NBEAL2: variants seen among roughly 807,000 people sequenced by gnomAD.
NBEAL2 encodes neurobeachin like 2, also known as neurobeachin-like protein 2.
Under a neutral mutation model 299.8 loss-of-function variants are expected in NBEAL2, and 160 were observed. The ratio of observed to expected loss-of-function variants is 0.53; its 90% CI spans 0.47 to 0.61. The LOEUF (loss-of-function observed/expected upper bound fraction) is 0.61, where lower values mean the gene tolerates loss of function less well. Ranked by LOEUF, NBEAL2 falls within the 20% of genes least tolerant of loss-of-function variation. The pLI is 0.00. For missense variants in NBEAL2, 3,112 were observed against 3,649.0 expected, an observed-to-expected ratio of 0.85 and a Z score of 3.79; for synonymous variants, 1,493 against 1,542.3, an observed-to-expected ratio of 0.97 and a Z score of 0.75.
intron 47 of NBEAL2, 81 bp downstream of exon 47, chr3:47,007,431 C>T (rs947542755): frequency 6.4e-7 from 1 of 1,552,168 alleles, no homozygotes; most frequent in Admixed American, 1.9e-5. Context: ...AGAATGTAGG[C>T]CAGCTGCAGG....
chr3:47,005,165 C>T lies in NBEAL2; in HGVS notation c.6420-16C>T. ...GAGGGGAGGGCTTCTGCTGACACGT[C>T]CAACTGTGGCCCCAGGTATGAAAGC... On this transcript the variant is annotated splice_polypyrimidine_tract_variant and intron_variant, in intron 39 of 53. Coordinates refer to ENST00000450053, the MANE Select transcript of NBEAL2 (RefSeq NM_015175.3). 3.1e-6 allele frequency: 5 copies of T among 1,613,762 alleles called. No individual in the cohort carries two copies. Among genetic ancestry groups the T allele is most frequent in the Non-Finnish European group, 4.2e-6 (5 of 1,179,870 alleles).
In NBEAL2 at chr3:47,001,057, G is replaced by A. The variant is rs776692605; in HGVS notation, c.4362G>A (p.Thr1454=). ...TCACCAACGTGCTGTTCTCGGTGAC[G>A]TGGCGTGGCGTGGAAGGCAGCGATG... is the stretch of plus-strand genomic sequence containing the variant. ...NLLTNVLFSV[T]WRGVEGSDEA... is the part of the protein sequence containing the mutation. Residue 1454 remains threonine, a synonymous_variant, in exon 28 of 54, where the codon ACG becomes ACA. Transcript: ENST00000450053. The surrounding 1 kb of genome is among the most constrained non-coding windows in gnomAD (Gnocchi z 6.1). The A allele has an allele frequency of 1.7e-4, 271 of 1,612,324 alleles. No homozygotes were observed. Among genetic ancestry groups the A allele is most frequent in the Non-Finnish European group, 2.3e-4 (266 of 1,179,380 alleles).
intron 1 of NBEAL2, among the ~76,000 whole-genome samples, chr3:46,984,982 C>A (rs2035589533): frequency 6.6e-6 from 1 of 152,290 alleles, no homozygotes; most frequent in South Asian, 2.1e-4. Context: ...TGTTAAGTAA[C>A]AAGCTACTGA....
rs568031125 is a variant in NBEAL2 at position 46,994,074 on chromosome 3, C to T, written c.1197+54C>T. The T allele has an allele frequency of 6.8e-5, 103 of 1,513,410 alleles. 1 individual carries two copies. The South Asian group carries it at 1.2e-3, about 17-fold the overall frequency. The allele number at this position is 1,513,410 out of a possible 1,614,324, so 93.7% of individuals were successfully genotyped here. ...GGGGTGCGGGGTGGAGTTCAACTGA[C>T]CATATCCCCAGAACAGGCCTGGCCG... On this transcript the variant is annotated intron_variant, in intron 11 of 53. Coordinates refer to ENST00000450053, the MANE Select transcript of NBEAL2 (RefSeq NM_015175.3).
intron 1 of NBEAL2, among the ~76,000 whole-genome samples, chr3:46,983,799 A>G (rs773567264): frequency 6.6e-6 from 1 of 152,048 alleles, no homozygotes; most frequent in Non-Finnish European, 1.5e-5. Flanking sequence ...TGGAGTTGTT[A>G]TGACAACTGG....
At chr3:46,986,695 A>T (rs1418158054) in intron 1 of NBEAL2, among the ~76,000 whole-genome samples, 1 of 152,136 alleles carries the variant, frequency 6.6e-6, no homozygotes, top group Non-Finnish European at 1.5e-5. Context: ...TGAGGCAAGG[A>T]TCGGGGCCCG....
In NBEAL2 at chr3:47,009,262, G is replaced by A. The variant is rs1184941528; in HGVS notation, c.8207G>A (p.Arg2736Gln). The change falls in exon 54 of 54, where the codon CGG (arginine) becomes CAG (glutamine). Residue 2736 changes from arginine (R) to glutamine (Q), a missense_variant. This residue lies in a region of NBEAL2 where 348 missense variants were observed against 381.4 expected (regional missense o/e 0.91). Coordinates refer to ENST00000450053, the MANE Select transcript of NBEAL2 (RefSeq NM_015175.3). ...QFARKLWRSS[R>Q]RISQVSSGET... ...GCGCGGAAGCTGTGGCGGTCCTCGC[G>A]GCGCATCTCCCAGGTGTCCTCGGGA... 2.5e-6 allele frequency: 4 copies of A among 1,602,458 alleles called. No homozygotes were observed. The highest frequency in any genetic ancestry group is 3.4e-6 in the Non-Finnish European group (4 of 1,175,810).
rs371664720 is a variant in NBEAL2, at chr3:46,999,067, C to T, written c.3493C>T (p.Leu1165=). ...AGGGAACCTCGAAGTGCTACTGGCC[C>T]TGCTAGTGCGGCCAGGGTCACTGCC... is the stretch of plus-strand genomic sequence containing the variant. The part of the protein sequence containing the change: ...EPGNLEVLLA[L]LVRPGSLPLL... The change falls in exon 24 of 54, where the codon CTG becomes TTG. Residue 1165 remains leucine, a synonymous_variant. Coordinates refer to ENST00000450053, the MANE Select transcript of NBEAL2 (RefSeq NM_015175.3). 1.1e-5 allele frequency: 17 copies of T among 1,593,148 alleles called. No homozygotes were observed. Among genetic ancestry groups the T allele is most frequent in the Non-Finnish European group, 1.5e-5 (17 of 1,170,296 alleles).
At chr3:46,987,959 G>A in intron 1 of NBEAL2, 2 of 1,268,662 alleles carry the variant, frequency 1.6e-6, no homozygotes, top group Non-Finnish European at 2.0e-6. Context: ...TCCTGCCCCA[G>A]CCCCGGGGCG....
chr3:47,005,666 G>C, intron 41 of NBEAL2, 47 bp downstream of exon 41: 1 of 1,604,154 alleles, frequency 6.2e-7, no homozygotes, highest in African/African-American at 1.4e-5. Flanking sequence ...TAGGGATGGA[G>C]AGCAGATGGT....
chr3:46,988,160 T>A lies in NBEAL2; in HGVS notation c.52-509T>A. Reference sequence around the variant, plus strand: ...GTGCGCATGTCTGGGTCTGCCTGTCTAATGGTACACGTGTGTCCTGGGATC... The same window carrying A: ...GTGCGCATGTCTGGGTCTGCCTGTCAAATGGTACACGTGTGTCCTGGGATC... On this transcript the variant is annotated intron_variant, in intron 1 of 53. Transcript: ENST00000450053. The surrounding 1 kb of genome is among the most constrained non-coding windows in gnomAD (Gnocchi z 4.4). 1.0e-6 allele frequency: 1 copy of A among 971,860 alleles called. No homozygotes were observed. Among genetic ancestry groups the A allele is most frequent in the Non-Finnish European group, 1.3e-6 (1 of 749,782 alleles). The allele number at this position is 971,860 out of a possible 1,614,324, so 60.2% of individuals were successfully genotyped here.
At position 47,000,274 on chromosome 3, in the gene NBEAL2, T is replaced by C. The variant is rs1437541636; in HGVS notation, c.4175T>C (p.Leu1392Pro). The C allele has an allele frequency of 6.2e-7, 1 of 1,612,864 alleles. No homozygotes were observed. The highest frequency in any genetic ancestry group is 2.2e-5 in the East Asian group (1 of 44,880). ...PASQPGTPSPLDGPRPFPAAP... is the reference protein window; with the variant it reads ...PASQPGTPSPPDGPRPFPAAP... ...AGCCAGCCCGGCACTCCTTCGCCACTGGATGGGCCGCGGCCCTTTCCTGCT... is the reference window on the plus strand; with the variant it reads ...AGCCAGCCCGGCACTCCTTCGCCACCGGATGGGCCGCGGCCCTTTCCTGCT... The change falls in exon 27 of 54, where the codon CTG becomes CCG. Residue 1392 changes from leucine (L) to proline (P), a missense_variant. By Grantham distance (98) the Leu-to-Pro change is moderately conservative. Coordinates refer to ENST00000450053, the MANE Select transcript of NBEAL2 (RefSeq NM_015175.3). The surrounding 1 kb of genome is among the most constrained non-coding windows in gnomAD (Gnocchi z 4.5).
In NBEAL2 at chr3:47,007,092, G is replaced by C. The variant is rs1356978964; in HGVS notation, c.7161G>C (p.Val2387=). The C allele has an allele frequency of 6.2e-7, 1 of 1,612,930 alleles. No individual in the cohort carries two copies. The highest frequency in any genetic ancestry group is 8.5e-7 in the Non-Finnish European group (1 of 1,179,464). ...AEVVSDGVPL[V]LALVPHRQPH... The stretch of plus-strand genomic sequence containing the variant: ...TTGTCAGTGATGGTGTACCCCTGGT[G>C]CTAGCCCTGGTCCCCCACCGGCAGC... The change falls in exon 46 of 54, where the codon GTG becomes GTC. Residue 2387 remains valine, a synonymous_variant. Transcript: ENST00000450053.
Position 47,000,543 on chromosome 3 carries a change from C to A in NBEAL2, c.4305+139C>A. The A allele has an allele frequency of 9.1e-7, 1 of 1,103,676 alleles. No homozygotes were observed. Among genetic ancestry groups the A allele is most frequent in the Non-Finnish European group, 1.3e-6 (1 of 781,354 alleles). 68.4% of individuals were successfully genotyped at this position (1,103,676 alleles called of 1,614,324 possible). A position where few individuals can be genotyped will look rare whatever the true frequency, so the allele number is the denominator to read the frequency against. On this transcript the variant is annotated intron_variant, in intron 27 of 53. Transcript: ENST00000450053. This position sits in a 1 kb window ranked among gnomAD's most constrained non-coding sequence, Gnocchi z 4.5. The stretch of plus-strand genomic sequence containing the variant: ...AGCCACTGGTCAGGCCTATTGCTGT[C>A]CCCTCATAGCTCTCATCTGCAGTTG...
In NBEAL2 at chr3:47,009,134, G is replaced by C; in HGVS notation, c.8163+10G>C. On this transcript the variant is annotated intron_variant, in intron 53 of 53. Transcript: ENST00000450053. ...GGGGCAGCCCTCTGAGGTGAGGATG[G>C]GGCGGGGGTGGGGAGGCCCCTCGAA... 1.9e-6 allele frequency: 3 copies of C among 1,558,110 alleles called. No homozygotes were observed. Among genetic ancestry groups the C allele is most frequent in the Non-Finnish European group, 2.6e-6 (3 of 1,155,004 alleles).
In NBEAL2 at chr3:47,009,524, G is replaced by A. The variant is rs985593185; in HGVS notation, c.*204G>A. On this transcript the variant is annotated 3_prime_UTR_variant, in exon 54 of 54. Coordinates refer to ENST00000450053, the MANE Select transcript of NBEAL2 (RefSeq NM_015175.3). ...CCCGCCCCTCGCCGGCTGAGGGGCC[G>A]CCCTGAGGGCCAGCACTGGCGTCTG... 1.4e-5 allele frequency: 8 copies of A among 591,994 alleles called. No homozygotes were observed. The highest frequency in any genetic ancestry group is 6.0e-5 in the Admixed American group (2 of 33,132). 36.7% of individuals were successfully genotyped at this position (591,994 alleles called of 1,614,324 possible). A position where few individuals can be genotyped will look rare whatever the true frequency, so the allele number is the denominator to read the frequency against.
chr3:47,009,145 G>A, intron 53 of NBEAL2, 21 bp downstream of exon 53: 1 of 1,531,558 alleles, frequency 6.5e-7, no homozygotes, highest in Non-Finnish European at 8.8e-7. Context: ...GGCGGGGGTG[G>A]GGAGGCCCCT....
Position 46,988,168 on chromosome 3 carries a change from C to T in NBEAL2, c.52-501C>T. The stretch of plus-strand genomic sequence containing the variant: ...GTCTGGGTCTGCCTGTCTAATGGTA[C>T]ACGTGTGTCCTGGGATCCACAGTTA... On this transcript the variant is annotated intron_variant, in intron 1 of 53. Transcript: ENST00000450053. This position sits in a 1 kb window ranked among gnomAD's most constrained non-coding sequence, Gnocchi z 4.4. The T allele has an allele frequency of 5.4e-6, 5 of 934,262 alleles. No homozygotes were observed. Among genetic ancestry groups the T allele is most frequent in the Non-Finnish European group, 7.0e-6 (5 of 717,992 alleles). The allele number at this position is 934,262 out of a possible 1,614,324, so 57.9% of individuals were successfully genotyped here.
At position 47,007,144 on chromosome 3, in the gene NBEAL2, C is replaced by G; in HGVS notation, c.7213C>G (p.Pro2405Ala). The G allele has an allele frequency of 6.2e-7, 1 of 1,613,730 alleles. No individual in the cohort carries two copies. The highest frequency in any genetic ancestry group is 8.5e-7 in the Non-Finnish European group (1 of 1,179,786). The part of the protein sequence containing the change: ...QPHSFITQGS[P>A]DLLVTVSASG... The stretch of plus-strand genomic sequence containing the variant: ...CCACTCCTTCATCACCCAGGGTTCC[C>G]CAGACCTGTTGGTAAGTGCATTGTG... Residue 2405 changes from proline to alanine, a missense_variant, in exon 46 of 54, where the codon CCA (proline) becomes GCA (alanine). Physicochemically the swap from Pro to Ala is conservative, Grantham distance 27 (BLOSUM62 -1). This residue lies in a region of NBEAL2 where 521 missense variants were observed against 729.6 expected (regional missense o/e 0.71). Coordinates refer to ENST00000450053, the MANE Select transcript of NBEAL2 (RefSeq NM_015175.3).
Sources: gnomAD v4.1 joint callset for allele counts (sites outside exome capture counted in the v4.1 genomes callset) on GRCh38, gnomAD v4.1.1 for gene constraint, gnomAD v4.1.1 regional missense constraint, Gnocchi (gnomAD v3.1) non-coding constraint, MANE v1.5 for transcripts, NCBI Gene and HGNC (gene_info 2026-07-23, HGNC 2026-07-21) for gene names.